The following LSMEM1 variants were observed in gnomAD, a reference collection of about 807,000 sequenced individuals.
LSMEM1 encodes leucine rich single-pass membrane protein 1, also known as leucine-rich single-pass membrane protein 1.
In LSMEM1, 10 loss-of-function variants were observed where a neutral mutation model predicts 11.3. The ratio of observed to expected loss-of-function variants is 0.89; its 90% CI spans 0.55 to 1.50. LSMEM1 has a LOEUF of 1.50. Ranked by LOEUF, LSMEM1 falls within the 40% of genes most tolerant of loss-of-function variation. LSMEM1 has a pLI of 0.00. For synonymous variants in LSMEM1, 65 were observed against 59.3 expected, an observed-to-expected ratio of 1.10 and a Z score of -0.44; for missense variants, 151 against 152.9, an observed-to-expected ratio of 0.99 and a Z score of 0.06.
chr7:112,480,746 CT>C, upstream of LSMEM1: 2 of 451,716 alleles, frequency 4.4e-6, no homozygotes, highest in East Asian at 7.0e-5. Flanking sequence ...CTCACAATCG[CT>C]TTTTGTAGCT....
At chr7:112,486,428 A>G in intron 2 of LSMEM1, 1 of 439,066 alleles carries the variant, frequency 2.3e-6, no homozygotes, top group Non-Finnish European at 4.6e-6. Context: ...TTGAATACCA[A>G]TAGAGAAGAA....
intron 1 of LSMEM1, among the ~76,000 whole-genome samples, chr7:112,483,197 A>G (rs1022783218): frequency 6.1e-5 from 9 of 147,992 alleles, no homozygotes; most frequent in African/African-American, 2.3e-4. Flanking sequence ...CATTCTGTAG[A>G]TGAGTTTTAA....
chr7:112,484,597 C>A (rs1010813478), intron 1 of LSMEM1, among the ~76,000 whole-genome samples: 5 of 152,184 alleles, frequency 3.3e-5, no homozygotes, highest in Non-Finnish European at 7.4e-5. Flanking sequence ...TGACTGTGAG[C>A]TTCCTGGCAA....
chr7:112,480,871 A>G (rs1207857235), upstream of LSMEM1: 1 of 456,284 alleles, frequency 2.2e-6, no homozygotes. Context: ...CAAGTCAGTC[A>G]TCATAGTGGC....
rs1451372118 is a variant in LSMEM1, at chr7:112,484,824, A to G, written c.8A>G (p.His3Arg). The change falls in exon 2 of 4, where the codon CAT (histidine) becomes CGT (arginine). Residue 3 changes from histidine to arginine, a missense_variant. Coordinates refer to ENST00000312849, the MANE Select transcript of LSMEM1 (RefSeq NM_182597.3). MTHSSQDTGSCGI... is the reference protein window; with the variant it reads MTRSSQDTGSCGI... ...TGTTTTCTTCCAGGGACAATGACTC[A>G]TTCTTCCCAGGACACTGGTTCTTGT... The G allele has an allele frequency of 3.1e-6, 5 of 1,613,354 alleles. No individual in the cohort carries two copies. Among genetic ancestry groups the G allele is most frequent in the East Asian group, 2.2e-5 (1 of 44,848 alleles).
At position 112,486,962 on chromosome 7, in the gene LSMEM1, G is replaced by C. The variant is rs1394726735; in HGVS notation, c.167G>C (p.Gly56Ala). ...ATCCCAGTCCTTGGCACAAACTCAG[G>C]AAATGGAAGCCGGAGTCTGTTTTTT... is the stretch of plus-strand genomic sequence containing the variant. ...DKIPVLGTNS[G>A]NGSRSLFFVG... The change falls in exon 3 of 4, where the codon GGA (glycine) becomes GCA (alanine). Residue 56 changes from glycine to alanine, a missense_variant. Transcript: ENST00000312849. The C allele has an allele frequency of 6.2e-7, 1 of 1,614,138 alleles. No homozygotes were observed. The highest frequency in any genetic ancestry group is 8.5e-7 in the Non-Finnish European group (1 of 1,180,008).
At chr7:112,487,791 C>T (rs3128379) in intron 3 of LSMEM1, among the ~76,000 whole-genome samples, 95,230 of 152,196 alleles carry the variant, frequency 0.63, 30,896 homozygotes, top group Middle Eastern at 0.74. Flanking sequence ...CCCACAGAGC[C>T]CACCAGTTTC....
intron 1 of LSMEM1, chr7:112,483,507 A>G (rs1342798873): frequency 4.6e-5 from 7 of 152,210 alleles, no homozygotes; most frequent in Non-Finnish European, 7.4e-5. Flanking sequence ...TTTTCAGTCT[A>G]TCGGGAAATC....
In LSMEM1 at chr7:112,489,747, C is replaced by T. The variant is rs1796201679; in HGVS notation, c.257-63C>T. 7.7e-6 allele frequency: 12 copies of T among 1,548,536 alleles called. No homozygotes were observed. The South Asian group carries it at 1.1e-4, about 15-fold the overall frequency. ...ATCAGCTGAGCACCAACATGGGGAT[C>T]TGATGAATTTCAGTGGAACACAGTG... On this transcript the variant is annotated intron_variant, in intron 3 of 3. Transcript: ENST00000312849.
chr7:112,490,273 G>T lies in LSMEM1; in HGVS notation c.*324G>T. On this transcript the variant is annotated 3_prime_UTR_variant, in exon 4 of 4. Transcript: ENST00000312849. The stretch of plus-strand genomic sequence containing the variant: ...TATGTACGTCCAACTTCTTACAGAA[G>T]GAGCTTTGCTACCAGAACAAGTTCA... The T allele has an allele frequency of 4.4e-6, 1 of 226,972 alleles. No homozygotes were observed. Among genetic ancestry groups the T allele is most frequent in the East Asian group, 9.8e-5 (1 of 10,160 alleles). 14.1% of individuals were successfully genotyped at this position (226,972 alleles called of 1,614,324 possible). A position where few individuals can be genotyped will look rare whatever the true frequency, so the allele number is the denominator to read the frequency against.
Position 112,484,921 on chromosome 7 carries a change from A to G in LSMEM1, c.105A>G (p.Pro35=). The change falls in exon 2 of 4, where the codon CCA becomes CCG. Residue 35 remains proline (P), a synonymous_variant. Coordinates refer to ENST00000312849, the MANE Select transcript of LSMEM1 (RefSeq NM_182597.3). ...ACTTAAACAAACTAAACCTCTGTCCAGCCGGATCGCAGCATCTGTTCCGTA... is the reference window on the plus strand; with the variant it reads ...ACTTAAACAAACTAAACCTCTGTCCGGCCGGATCGCAGCATCTGTTCCGTA... ...INDLNKLNLC[P]AGSQHLFPLE... 6.2e-7 allele frequency: 1 copy of G among 1,613,084 alleles called. No individual in the cohort carries two copies. The highest frequency in any genetic ancestry group is 8.5e-7 in the Non-Finnish European group (1 of 1,179,318).
intron 3 of LSMEM1, among the ~76,000 whole-genome samples, chr7:112,489,494 A>G (rs1796197854): frequency 6.6e-6 from 1 of 152,216 alleles, no homozygotes; most frequent in Non-Finnish European, 1.5e-5. Flanking sequence ...CATAGCAATC[A>G]CTTCTGGGAG....
intron 1 of LSMEM1, among the ~76,000 whole-genome samples, chr7:112,482,240 T>C (rs1428510258): frequency 2.0e-5 from 3 of 152,254 alleles, no homozygotes; most frequent in Non-Finnish European, 4.4e-5. Flanking sequence ...ACATTTTCTT[T>C]CAAAGCACGT....
At chr7:112,488,604 A>G (rs184976684) in intron 3 of LSMEM1, among the ~76,000 whole-genome samples, 1 of 129,804 alleles carries the variant, frequency 7.7e-6, no homozygotes, top group Non-Finnish European at 1.6e-5. Flanking sequence ...TATTATTATT[A>G]TTATTTTTAT....
In LSMEM1 at chr7:112,489,046, A is replaced by T. The variant is rs1358974591; in HGVS notation, c.257-764A>T. Among the ~76,000 whole-genome samples, 8 of 152,342 alleles carry T rather than the reference A, an allele frequency of 5.3e-5. No individual in the cohort carries two copies. In the East Asian group the frequency reaches 1.4e-3, roughly 26 times the overall value. On this transcript the variant is annotated intron_variant, in intron 3 of 3. Transcript: ENST00000312849. ...AAAGACTATGTACTTTATCAACATCACTATGTTCCACTTTTATGAATAGCT... is the reference window on the plus strand; with the variant it reads ...AAAGACTATGTACTTTATCAACATCTCTATGTTCCACTTTTATGAATAGCT...
At position 112,490,498 on chromosome 7, in the gene LSMEM1, G is replaced by C. The variant is rs1310357518; in HGVS notation, c.*549G>C. The C allele has an allele frequency of 6.6e-6, 1 of 152,540 alleles. No homozygotes were observed. The highest frequency in any genetic ancestry group is 6.5e-5 in the Admixed American group (1 of 15,336). The allele number at this position is 152,540 out of a possible 1,614,324, so 9.4% of individuals were successfully genotyped here. Reference sequence around the variant, plus strand: ...GGGCCCCAGAGCTAGTTGCTGTCTGGTGTTTGCTGGTGAAAACATGAGCAG... The same window carrying C: ...GGGCCCCAGAGCTAGTTGCTGTCTGCTGTTTGCTGGTGAAAACATGAGCAG... On this transcript the variant is annotated 3_prime_UTR_variant, in exon 4 of 4. Transcript: ENST00000312849.
intron 1 of LSMEM1, among the ~76,000 whole-genome samples, chr7:112,482,187 T>A (rs936762397): frequency 1.3e-5 from 2 of 152,188 alleles, no homozygotes; most frequent in African/African-American, 2.4e-5. Flanking sequence ...TAAAAAAATA[T>A]TGGAATAGCA....
chr7:112,487,166 T>C (rs1796149493), intron 3 of LSMEM1, 115 bp downstream of exon 3: 2 of 1,068,398 alleles, frequency 1.9e-6, no homozygotes, highest in Admixed American at 2.4e-5. Context: ...TCATCAATGC[T>C]TACATTGAAA....
At position 112,490,051 on chromosome 7, in the gene LSMEM1, G is replaced by GATGATCTGGTCAGGCAACCC. The variant is rs1796209108; in HGVS notation, c.*104_*123dup. ...AGAAAGTGCACTTCCTCAGGCAACA[G>GATGATCTGGTCAGGCAACCC]ATGATCTGGTCAGGCAACCCACCCC... On this transcript the variant is annotated 3_prime_UTR_variant, in exon 4 of 4. Coordinates refer to ENST00000312849, the MANE Select transcript of LSMEM1 (RefSeq NM_182597.3). The GATGATCTGGTCAGGCAACCC allele has an allele frequency of 5.8e-6, 8 of 1,379,752 alleles. No homozygotes were observed. Among genetic ancestry groups the GATGATCTGGTCAGGCAACCC allele is most frequent in the Admixed American group, 4.8e-5 (2 of 41,870 alleles). 85.5% of individuals were successfully genotyped at this position (1,379,752 alleles called of 1,614,324 possible). A position where few individuals can be genotyped will look rare whatever the true frequency, so the allele number is the denominator to read the frequency against.
Sources: allele counts gnomAD v4.1 joint callset (sites outside exome capture counted in the v4.1 genomes callset), GRCh38; gene constraint gnomAD v4.1.1; transcripts MANE v1.5; gene names NCBI Gene and HGNC (gene_info 2026-07-23, HGNC 2026-07-21).